The following SPATA6 variants were observed in gnomAD, a reference collection of about 807,000 sequenced individuals.
The protein encoded by SPATA6 is spermatogenesis associated 6.
A neutral mutation model predicts 65.3 loss-of-function variants in SPATA6; 56 were observed. The observed-to-expected ratio is 0.86, with a 90% CI of 0.69 to 1.07. SPATA6 has a LOEUF of 1.07. Among genes scored for constraint, SPATA6 ranks in the 50% least tolerant of loss-of-function variants. The pLI is 0.00. For synonymous variants in SPATA6, 199 were observed against 213.2 expected, an observed-to-expected ratio of 0.93 and a Z score of 0.58; for missense variants, 590 against 594.8, an observed-to-expected ratio of 0.99 and a Z score of 0.08.
At chr1:48,269,700 T>C in the SPATA6 span, among the ~76,000 whole-genome samples, 1 of 152,028 alleles carries the variant, frequency 6.6e-6, no homozygotes, top group African/African-American at 2.4e-5. Flanking sequence ...ACAATGTTGC[T>C]GTCAGTCTTT....
At chr1:48,464,770 G>A (rs1039841928) in intron 1 of SPATA6, among the ~76,000 whole-genome samples, 8 of 152,204 alleles carry the variant, frequency 5.3e-5, no homozygotes, top group African/African-American at 1.9e-4. Flanking sequence ...ACAGGGGTAG[G>A]TGAAGTGGCG....
chr1:48,396,162 C>T (rs1005457683), intron 7 of SPATA6, among the ~76,000 whole-genome samples: 1 of 151,752 alleles, frequency 6.6e-6, no homozygotes, highest in African/African-American at 2.4e-5. Flanking sequence ...TGAGATACTA[C>T]TTCACTGTAA....
intron 11 of SPATA6, among the ~76,000 whole-genome samples, chr1:48,333,006 GGTTAAT>G (rs1323276027): frequency 6.6e-6 from 1 of 152,124 alleles, no homozygotes; most frequent in African/African-American, 2.4e-5. Context: ...GCAGTGTGAT[GGTTAAT>G]GTTAAGTGTC....
chr1:48,264,746 AT>A, the SPATA6 span, among the ~76,000 whole-genome samples: 1 of 152,132 alleles, frequency 6.6e-6, no homozygotes, highest in African/African-American at 2.4e-5. Flanking sequence ...TACGTACCAC[AT>A]TTCTGTATCC....
chr1:48,392,444 C>T (rs1273058505), intron 8 of SPATA6, among the ~76,000 whole-genome samples: 1 of 152,022 alleles, frequency 6.6e-6, no homozygotes, highest in Admixed American at 6.6e-5. Flanking sequence ...AAGGACTGCA[C>T]AAATTACAAT....
At chr1:48,456,972 A>G (rs959179174) in intron 1 of SPATA6, among the ~76,000 whole-genome samples, 1 of 152,190 alleles carries the variant, frequency 6.6e-6, no homozygotes, top group African/African-American at 2.4e-5. Flanking sequence ...GAAAACCAAT[A>G]AAAGAATCCA....
chr1:48,427,627 G>A (rs1202316377), intron 3 of SPATA6, among the ~76,000 whole-genome samples: 2 of 152,026 alleles, frequency 1.3e-5, no homozygotes, highest in East Asian at 1.9e-4. Flanking sequence ...AATTTTAAAA[G>A]TTAAGACACT....
At chr1:48,375,589 C>T (rs1488923733) in intron 9 of SPATA6, among the ~76,000 whole-genome samples, 1 of 152,066 alleles carries the variant, frequency 6.6e-6, no homozygotes, top group African/African-American at 2.4e-5. Flanking sequence ...CTCCAAATCT[C>T]CCATGTTTCT....
intron 1 of SPATA6, among the ~76,000 whole-genome samples, chr1:48,468,359 G>T (rs2148207011): frequency 6.6e-6 from 1 of 152,224 alleles, no homozygotes; most frequent in South Asian, 2.1e-4. Flanking sequence ...CATGTTGTTG[G>T]TTCTATCAGT....
chr1:48,311,536 TAAAG>T lies in SPATA6; in HGVS notation c.1195-5662_1195-5659del, dbSNP rs577692730. ...ACAGGAAATCTGAATACACCTATAA[TAAAG>T]AAAGAGAGTGAATTAGTAATCAAAA... On this transcript the variant is annotated intron_variant, in intron 11 of 12. Coordinates refer to ENST00000371847, the MANE Select transcript of SPATA6 (RefSeq NM_019073.4). Among the ~76,000 whole-genome samples, 22 of 152,080 alleles carry T rather than the reference TAAAG, an allele frequency of 1.4e-4. No individual in the cohort carries two copies. In the East Asian group the frequency reaches 3.7e-3, roughly 25 times the overall value.
At chr1:48,376,641 G>A (rs1647942968) in intron 9 of SPATA6, among the ~76,000 whole-genome samples, 1 of 151,920 alleles carries the variant, frequency 6.6e-6, no homozygotes, top group Admixed American at 6.6e-5. Context: ...AACACATTCA[G>A]TCATGTGTTC....
downstream of SPATA6, among the ~76,000 whole-genome samples, chr1:48,290,752 G>C (rs907853839): frequency 2.6e-5 from 4 of 152,122 alleles, no homozygotes; most frequent in Non-Finnish European, 5.9e-5. Flanking sequence ...GACAAAAAAG[G>C]CCATTACATA....
chr1:48,268,443 G>T, the SPATA6 span, among the ~76,000 whole-genome samples: 1 of 151,586 alleles, frequency 6.6e-6, no homozygotes, highest in Non-Finnish European at 1.5e-5. Context: ...CATTCATCTG[G>T]CTGAGCTCCT....
chr1:48,273,652 C>A, the SPATA6 span, among the ~76,000 whole-genome samples: 1 of 152,170 alleles, frequency 6.6e-6, no homozygotes, highest in Non-Finnish European at 1.5e-5. Flanking sequence ...TCATCCATGT[C>A]CCTGTAAAGG....
At chr1:48,414,943 AAAC>A (rs1652614936) in intron 3 of SPATA6, among the ~76,000 whole-genome samples, 1 of 152,214 alleles carries the variant, frequency 6.6e-6, no homozygotes, top group Non-Finnish European at 1.5e-5. Flanking sequence ...TGGAAAAAGG[AAAC>A]AACATGTAAG....
intron 9 of SPATA6, among the ~76,000 whole-genome samples, chr1:48,361,708 A>G (rs923040474): frequency 2.0e-5 from 3 of 152,172 alleles, no homozygotes; most frequent in African/African-American, 7.2e-5. Flanking sequence ...GCTAGCTTAC[A>G]GATCTTCCAT....
At position 48,347,493 on chromosome 1, in the gene SPATA6, TATGTATATATA is replaced by T. The variant is rs920422378; in HGVS notation, c.1194+8166_1194+8176del. Among the ~76,000 whole-genome samples the T allele has an allele frequency of 3.4e-3, 499 of 145,846 alleles. 2 individuals carry two copies. Among genetic ancestry groups the T allele is most frequent in the African/African-American group, 0.012 (459 of 38,990 alleles). ...ATAATATATATATTATTAATGTATA[TATGTATATATA>T]ATGTATATATAATGTATTAAATTAA... On this transcript the variant is annotated intron_variant, in intron 11 of 12. Coordinates refer to ENST00000371847, the MANE Select transcript of SPATA6 (RefSeq NM_019073.4).
chr1:48,291,338 G>A (rs190585236), downstream of SPATA6, among the ~76,000 whole-genome samples: 1 of 152,306 alleles, frequency 6.6e-6, no homozygotes, highest in Admixed American at 6.5e-5. Context: ...GGCGGGTAGA[G>A]AAAGATCATC....
In SPATA6 at chr1:48,395,347, G is replaced by A; in HGVS notation, c.788C>T (p.Pro263Leu). 4 of 1,553,186 alleles carry A rather than the reference G, an allele frequency of 2.6e-6. No individual in the cohort carries two copies. Among genetic ancestry groups the A allele is most frequent in the African/African-American group, 2.8e-5 (2 of 72,136 alleles). ...KPPFVIRHVDPPSPRADTLLG... is the reference protein window; with the variant it reads ...KPPFVIRHVDLPSPRADTLLG... The stretch of plus-strand genomic sequence containing the variant: ...TAAAGTATCAGCCCTGGGACTTGGG[G>A]GATCAACCTAGAGGAAGCAGGATTT... Residue 263 changes from proline (P) to leucine (L), a missense_variant, in exon 8 of 13, where the codon CCC becomes CTC. Transcript: ENST00000371847.
Sources: gnomAD v4.1 joint callset for allele counts (sites outside exome capture counted in the v4.1 genomes callset) on GRCh38, gnomAD v4.1.1 for gene constraint, MANE v1.5 for transcripts, NCBI Gene and HGNC (gene_info 2026-07-23, HGNC 2026-07-21) for gene names.